The following ADAMTS14 variants were observed in gnomAD, a reference collection of about 807,000 sequenced individuals.
ADAMTS14 encodes the protein A disintegrin and metalloproteinase with thrombospondin motifs 14.
A neutral mutation model predicts 128.6 loss-of-function variants in ADAMTS14; 100 were observed. The observed-to-expected ratio is 0.78, with a 90% CI of 0.66 to 0.92. The LOEUF is 0.92. ADAMTS14 is among the 40% of genes least tolerant of loss of function. ADAMTS14 has a pLI of 0.00. For missense variants in ADAMTS14, 1,562 were observed against 1,658.6 expected (o/e 0.94, Z 1.01); for synonymous variants, 665 against 653.8 (o/e 1.02, Z -0.26).
chr10:70,713,080 A>G (rs541841921), intron 4 of ADAMTS14, among the ~76,000 whole-genome samples: 18 of 152,262 alleles, frequency 1.2e-4, no homozygotes, highest in African/African-American at 3.9e-4. Flanking sequence ...GTCTTGGGTG[A>G]TCTGCTCCAT....
At chr10:70,734,941 C>T (rs1448719888) in intron 8 of ADAMTS14, among the ~76,000 whole-genome samples, 3 of 152,216 alleles carry the variant, frequency 2.0e-5, no homozygotes, top group African/African-American at 7.2e-5. Context: ...GTACCCTTGC[C>T]TTTGGCTGCA....
At chr10:70,699,519 C>G (rs1263877043) in intron 2 of ADAMTS14, among the ~76,000 whole-genome samples, 1 of 152,102 alleles carries the variant, frequency 6.6e-6, no homozygotes, top group South Asian at 2.1e-4. Context: ...CTAGAGGTCT[C>G]CTAACTGGGG....
At chr10:70,702,611 C>T (rs61852880) in intron 3 of ADAMTS14, 143 bp downstream of exon 3, 20,178 of 1,142,700 alleles carry the variant, frequency 0.018, 735 homozygotes, top group Admixed American at 0.15. Flanking sequence ...ACCTGCTGTA[C>T]TGGCAGAGAA....
At chr10:70,746,653 A>G (rs570528711) in intron 15 of ADAMTS14, among the ~76,000 whole-genome samples, 1 of 152,358 alleles carries the variant, frequency 6.6e-6, no homozygotes, top group South Asian at 2.1e-4. Flanking sequence ...ACAAAAATAA[A>G]AAATAAACAA....
At chr10:70,731,578 G>GTGGCCTGCCTGCACCT (rs1158866313) in intron 6 of ADAMTS14, among the ~76,000 whole-genome samples, 24 of 152,144 alleles carry the variant, frequency 1.6e-4, no homozygotes, top group Non-Finnish European at 3.1e-4. Flanking sequence ...TGATTCCTGT[G>GTGGCCTGCCTGCACCT]TGGCCTGCCT....
At chr10:70,702,615 C>A in intron 3 of ADAMTS14, 147 bp downstream of exon 3, 2 of 1,097,212 alleles carry the variant, frequency 1.8e-6, no homozygotes, top group Non-Finnish European at 2.5e-6. Context: ...GCTGTACTGG[C>A]AGAGAAACCC....
rs368695287 is a variant in ADAMTS14 at position 70,702,298 on chromosome 10, C to T, written c.523-14C>T. ...TATTTCTCTCTTTCCCGCTGCTTGC[C>T]GTCCCTGGTTCAGGCGGGCCTCATC... On this transcript the variant is annotated splice_polypyrimidine_tract_variant and intron_variant, in intron 2 of 21. Transcript: ENST00000373207. 1.1e-5 allele frequency: 18 copies of T among 1,613,942 alleles called. No homozygotes were observed. The highest frequency in any genetic ancestry group is 6.7e-5 in the Admixed American group (4 of 59,984).
intron 17 of ADAMTS14, 116 bp downstream of exon 17, chr10:70,751,762 T>C (rs2132742441): frequency 1.5e-6 from 2 of 1,373,564 alleles, no homozygotes; most frequent in East Asian, 4.9e-5. Flanking sequence ...TGACTCAGTT[T>C]CTCCTTGAAG....
intron 4 of ADAMTS14, among the ~76,000 whole-genome samples, chr10:70,713,478 G>A (rs990223056): frequency 6.6e-5 from 10 of 152,238 alleles, no homozygotes; most frequent in Non-Finnish European, 2.9e-5. Context: ...GGGGCCACAG[G>A]ATGAGGGCTT....
Position 70,690,499 on chromosome 10 carries a change from G to A in ADAMTS14, c.523-11813G>A, listed in dbSNP as rs1053849764. 2.7e-4 allele frequency among the ~76,000 whole-genome samples: 39 copies of A among 145,464 alleles called. 1 individual carries two copies. Among genetic ancestry groups the A allele is most frequent in the African/African-American group, 9.0e-4 (37 of 41,044 alleles). On this transcript the variant is annotated intron_variant, in intron 2 of 21. Transcript: ENST00000373207. ...CTTACCTGCATTCTGGAGGGAACTT[G>A]TCTCTTGGCCACTGCCAAGTCCCTC...
chr10:70,706,946 C>T lies in ADAMTS14; in HGVS notation c.680-1642C>T, dbSNP rs114560648. ...CGTGTGGACGGGGTCTGCACTCACT[C>T]GCTCCCATGTGTAAAATAAACAATC... On this transcript the variant is annotated intron_variant, in intron 3 of 21. Transcript: ENST00000373207. 3.1e-3 allele frequency among the ~76,000 whole-genome samples: 476 copies of T among 152,314 alleles called. 1 individual carries two copies. Among genetic ancestry groups the T allele is most frequent in the African/African-American group, 9.8e-3 (409 of 41,576 alleles).
At chr10:70,675,404 G>C (rs1839614974) in intron 2 of ADAMTS14, among the ~76,000 whole-genome samples, 1 of 152,204 alleles carries the variant, frequency 6.6e-6, no homozygotes, top group African/African-American at 2.4e-5. Flanking sequence ...GCCTGAGACA[G>C]ACGTGGCTTC....
Position 70,672,897 on chromosome 10 carries a change from T to C in ADAMTS14, c.82+13T>C, listed in dbSNP as rs1382010738. On this transcript the variant is annotated intron_variant, in intron 1 of 21. Transcript: ENST00000373207. Reference sequence around the variant, plus strand: ...AGCCGGACCCCAGGTGCGTGCGGGTTGGGCGCGCGGGGGCCCGTGGGGTCC... The same window carrying C: ...AGCCGGACCCCAGGTGCGTGCGGGTCGGGCGCGCGGGGGCCCGTGGGGTCC... 1 of 1,460,150 alleles carries C rather than the reference T, an allele frequency of 6.8e-7. No homozygotes were observed. The highest frequency in any genetic ancestry group is 9.0e-7 in the Non-Finnish European group (1 of 1,113,650). 90.4% of individuals were successfully genotyped at this position (1,460,150 alleles called of 1,614,324 possible).
At chr10:70,735,702 C>T (rs1193276839) in intron 9 of ADAMTS14, among the ~76,000 whole-genome samples, 1 of 152,222 alleles carries the variant, frequency 6.6e-6, no homozygotes, top group Non-Finnish European at 1.5e-5. Context: ...CACATCACCT[C>T]TCTCCAGAGC....
At chr10:70,691,683 T>C (rs1840194710) in intron 2 of ADAMTS14, among the ~76,000 whole-genome samples, 1 of 151,980 alleles carries the variant, frequency 6.6e-6, no homozygotes, top group Admixed American at 6.6e-5. Context: ...GTGAGGGCAT[T>C]GACTGGTCCT....
intron 16 of ADAMTS14, 138 bp downstream of exon 16, chr10:70,750,123 G>T (rs1413891867): frequency 8.9e-7 from 1 of 1,124,250 alleles, no homozygotes; most frequent in East Asian, 2.6e-5. Flanking sequence ...CTTCCATCCT[G>T]GGATTAGCTC....
chr10:70,731,965 A>G (rs150552968), intron 6 of ADAMTS14, among the ~76,000 whole-genome samples: 60 of 152,182 alleles, frequency 3.9e-4, no homozygotes, highest in African/African-American at 1.4e-3. Context: ...GGAGGGAGGC[A>G]TTGTGGAAGT....
chr10:70,720,862 A>G (rs1181355511), intron 4 of ADAMTS14, among the ~76,000 whole-genome samples: 1 of 152,184 alleles, frequency 6.6e-6, no homozygotes, highest in Non-Finnish European at 1.5e-5. Context: ...ACCAGTTCAC[A>G]TATGTACCAT....
At chr10:70,730,030 G>A in intron 5 of ADAMTS14, 72 bp from the exon 6 acceptor site, 1 of 1,502,518 alleles carries the variant, frequency 6.7e-7, no homozygotes, top group Non-Finnish European at 8.9e-7. Context: ...CTGTAAGTGG[G>A]AGGAGAGAGG....
Sources: allele counts gnomAD v4.1 joint callset (sites outside exome capture counted in the v4.1 genomes callset), GRCh38; gene constraint gnomAD v4.1.1; transcripts MANE v1.5; gene names NCBI Gene and HGNC (gene_info 2026-07-23, HGNC 2026-07-21).